Variants in UBE2O observed in about 807,000 individuals in gnomAD.
UBE2O encodes the protein (E3-independent) E2 ubiquitin-conjugating enzyme.
Under a neutral mutation model 125.8 loss-of-function variants are expected in UBE2O, and 15 were observed. That is an observed-to-expected ratio of 0.12 (90% CI 0.08 to 0.18). The LOEUF (loss-of-function observed/expected upper bound fraction) is 0.18. Among genes scored for constraint, UBE2O ranks in the 10% least tolerant of loss-of-function variants. The probability of loss-of-function intolerance (pLI) is 1.00; values close to 1 mark genes in which losing one functional copy is unlikely to be tolerated. For missense variants in UBE2O, 1,280 were observed against 1,723.6 expected, an observed-to-expected ratio of 0.74 and a Z score of 4.56; for synonymous variants, 708 against 703.2, an observed-to-expected ratio of 1.01 and a Z score of -0.11.
At position 76,396,559 on chromosome 17, in the gene UBE2O, G is replaced by A; in HGVS notation, c.2378C>T (p.Ala793Val). ...AAVQGAVAMA[A>V]PMAGLMEKAG... Reference sequence around the variant, plus strand: ...CTTCTCCATCAGCCCGGCCATGGGGGCAGCCATGGCCACAGCCCCCTGGAC... The same window carrying A: ...CTTCTCCATCAGCCCGGCCATGGGGACAGCCATGGCCACAGCCCCCTGGAC... The change falls in exon 14 of 18, where the codon GCC (alanine) becomes GTC (valine). Residue 793 changes from alanine (A) to valine (V), a missense_variant. By Grantham distance (64) the Ala-to-Val change is moderately conservative. Transcript: ENST00000319380. The surrounding 1 kb of genome is among the most constrained non-coding windows in gnomAD (Gnocchi z 6.7). The A allele has an allele frequency of 6.2e-7, 1 of 1,610,808 alleles. No homozygotes were observed. The highest frequency in any genetic ancestry group is 1.1e-5 in the South Asian group (1 of 90,742).
At chr17:76,397,739 G>GC (rs2072239239) in intron 13 of UBE2O, 60 bp downstream of exon 13, 4 of 1,538,938 alleles carry the variant, frequency 2.6e-6, no homozygotes, top group Non-Finnish European at 3.6e-6. Flanking sequence ...CACGCCTGTG[G>GC]CCCCCGGCCC....
chr17:76,434,300 T>C (rs1311948104), intron 1 of UBE2O, among the ~76,000 whole-genome samples: 3 of 152,090 alleles, frequency 2.0e-5, no homozygotes, highest in African/African-American at 7.2e-5. Context: ...ACACGGTGGC[T>C]GAAAACTCCT....
At chr17:76,439,508 A>T (rs887245024) in intron 1 of UBE2O, among the ~76,000 whole-genome samples, 3 of 152,216 alleles carry the variant, frequency 2.0e-5, no homozygotes, top group African/African-American at 7.2e-5. Context: ...ATGATGTGTG[A>T]TGACGTCACT....
intron 1 of UBE2O, among the ~76,000 whole-genome samples, chr17:76,415,214 G>A (rs1017785272): frequency 2.6e-5 from 4 of 152,154 alleles, no homozygotes; most frequent in East Asian, 1.9e-4. Flanking sequence ...GTTAGTTCAC[G>A]GAATGAGGAC....
In UBE2O at chr17:76,410,366, A is replaced by C. The variant is rs2072494968; in HGVS notation, c.418-4794T>G. Among the ~76,000 whole-genome samples the C allele has an allele frequency of 6.6e-6, 1 of 152,004 alleles. No homozygotes were observed. Among genetic ancestry groups the C allele is most frequent in the African/African-American group, 2.4e-5 (1 of 41,382 alleles). On this transcript the variant is annotated intron_variant, in intron 1 of 17. Coordinates refer to ENST00000319380, the MANE Select transcript of UBE2O (RefSeq NM_022066.4). The surrounding 1 kb of genome is among the most constrained non-coding windows in gnomAD (Gnocchi z 4.0). ...ATGTCTGGAGACACTTTCGGTGGTC[A>C]TAAAGGGTGGTGGGGGTTCTGGTAT...
At position 76,399,891 on chromosome 17, in the gene UBE2O, G is replaced by A. The variant is rs2072287306; in HGVS notation, c.1186C>T (p.Arg396Trp). The change falls in exon 9 of 18, where the codon CGG becomes TGG. Residue 396 changes from arginine (R) to tryptophan (W), a missense_variant. Coordinates refer to ENST00000319380, the MANE Select transcript of UBE2O (RefSeq NM_022066.4). The surrounding 1 kb of genome is among the most constrained non-coding windows in gnomAD (Gnocchi z 6.9). ...VKRLLKKQVV[R>W]IMSCSPDTQC... ...GTGTCTGGGGAGCATGACATGATCC[G>A]CACAACCTGCTTCTTCAACAGGCGC... is the stretch of plus-strand genomic sequence containing the variant. 5.6e-6 allele frequency: 9 copies of A among 1,609,800 alleles called. No homozygotes were observed. The highest frequency in any genetic ancestry group is 2.2e-5 in the East Asian group (1 of 44,860).
chr17:76,393,513 G>A (rs754136965), intron 15 of UBE2O, among the ~76,000 whole-genome samples: 8 of 151,956 alleles, frequency 5.3e-5, no homozygotes, highest in Non-Finnish European at 4.4e-5. Context: ...GATTACAGGC[G>A]TGAGCCACCA....
intron 1 of UBE2O, among the ~76,000 whole-genome samples, chr17:76,418,685 T>A: frequency 6.6e-6 from 1 of 151,724 alleles, no homozygotes. Context: ...TTCTCCTGCC[T>A]CAGCCTCCTG....
chr17:76,444,494 G>A (rs890090109), intron 1 of UBE2O, among the ~76,000 whole-genome samples: 22 of 152,104 alleles, frequency 1.4e-4, no homozygotes, highest in African/African-American at 4.6e-4. Context: ...GTGTGATCAC[G>A]CCACTGCATT....
At chr17:76,413,641 C>G (rs1332179685) in intron 1 of UBE2O, among the ~76,000 whole-genome samples, 1 of 152,172 alleles carries the variant, frequency 6.6e-6, no homozygotes, top group South Asian at 2.1e-4. Flanking sequence ...AATCTCCACT[C>G]TACTGAATTC....
chr17:76,400,963 G>A lies in UBE2O; in HGVS notation c.894+48C>T. ...GAAAGGGGCAGCAGCTCAGCTCCAGGGTGTGGAGGTCAAGGACTCCATCTC... is the reference window on the plus strand; with the variant it reads ...GAAAGGGGCAGCAGCTCAGCTCCAGAGTGTGGAGGTCAAGGACTCCATCTC... On this transcript the variant is annotated intron_variant, in intron 6 of 17. Transcript: ENST00000319380. This position sits in a 1 kb window ranked among gnomAD's most constrained non-coding sequence, Gnocchi z 4.3. The A allele has an allele frequency of 6.2e-7, 1 of 1,605,198 alleles. No homozygotes were observed. The highest frequency in any genetic ancestry group is 8.5e-7 in the Non-Finnish European group (1 of 1,174,716).
At chr17:76,394,130 G>A (rs772244529) in intron 15 of UBE2O, among the ~76,000 whole-genome samples, 3 of 152,222 alleles carry the variant, frequency 2.0e-5, no homozygotes, top group Non-Finnish European at 4.4e-5. Context: ...CTGTTCCAGG[G>A]TTGTGGCTAC....
At chr17:76,408,011 G>A (rs1016877109) in intron 1 of UBE2O, among the ~76,000 whole-genome samples, 3 of 152,174 alleles carry the variant, frequency 2.0e-5, no homozygotes, top group African/African-American at 7.2e-5. Flanking sequence ...CCAAGACAAC[G>A]GCATGTGGAA....
intron 1 of UBE2O, among the ~76,000 whole-genome samples, chr17:76,438,674 G>A (rs2073036088): frequency 1.3e-5 from 2 of 152,152 alleles, no homozygotes; most frequent in African/African-American, 4.8e-5. Flanking sequence ...TAGGTACTAA[G>A]TCAAATTGAA....
intron 1 of UBE2O, among the ~76,000 whole-genome samples, chr17:76,424,120 G>C (rs1424825319): frequency 6.6e-6 from 1 of 151,668 alleles, no homozygotes; most frequent in Non-Finnish European, 1.5e-5. Flanking sequence ...ATGTTAGCCA[G>C]GATGGTCTCG....
chr17:76,413,478 T>C lies in UBE2O; in HGVS notation c.418-7906A>G, dbSNP rs142499121. 7.5e-4 allele frequency among the ~76,000 whole-genome samples: 114 copies of C among 152,240 alleles called. 1 individual carries two copies. Among genetic ancestry groups the C allele is most frequent in the African/African-American group, 2.5e-3 (105 of 41,540 alleles). On this transcript the variant is annotated intron_variant, in intron 1 of 17. Transcript: ENST00000319380. ...AAAAACCTGAGTGCATTAATATACATGTGGTAAGAATAAGTACTATTAGGT... is the reference window on the plus strand; with the variant it reads ...AAAAACCTGAGTGCATTAATATACACGTGGTAAGAATAAGTACTATTAGGT...
chr17:76,416,019 G>GCACA, intron 1 of UBE2O, among the ~76,000 whole-genome samples: 2 of 149,662 alleles, frequency 1.3e-5, no homozygotes, highest in South Asian at 2.1e-4. Flanking sequence ...GTATACATAT[G>GCACA]TACACACACG....
chr17:76,423,897 T>A, intron 1 of UBE2O, among the ~76,000 whole-genome samples: 1 of 7,946 alleles, frequency 1.3e-4, no homozygotes. Flanking sequence ...GGTTGGGTTC[T>A]TTTTTTTTTT....
At chr17:76,445,983 G>A (rs2073143931) in intron 1 of UBE2O, among the ~76,000 whole-genome samples, 1 of 152,202 alleles carries the variant, frequency 6.6e-6, no homozygotes, top group Non-Finnish European at 1.5e-5. Flanking sequence ...GCCTCAGGAA[G>A]GAGCTACAGT....
Sources: gnomAD v4.1 joint callset for allele counts (sites outside exome capture counted in the v4.1 genomes callset) on GRCh38, gnomAD v4.1.1 for gene constraint, Gnocchi (gnomAD v3.1) non-coding constraint, MANE v1.5 for transcripts, NCBI Gene and HGNC (gene_info 2026-07-23, HGNC 2026-07-21) for gene names.